Variants in TTC13 observed in about 807,000 individuals in gnomAD.
The protein encoded by TTC13 is tetratricopeptide repeat protein 13.
A neutral mutation model predicts 120.0 loss-of-function variants in TTC13; 62 were observed. The observed-to-expected ratio is 0.52, with a 90% CI of 0.42 to 0.64. TTC13 has a LOEUF of 0.64. TTC13 is among the 30% of genes least tolerant of loss of function. The pLI is 0.00. For synonymous variants in TTC13, 384 were observed against 393.5 expected (o/e 0.98, Z 0.28); for missense variants, 824 against 1,050.2 (o/e 0.78, Z 2.98).
At chr1:230,954,654 C>T (rs1675889551) in intron 3 of TTC13, among the ~76,000 whole-genome samples, 1 of 152,200 alleles carries the variant, frequency 6.6e-6, no homozygotes, top group African/African-American at 2.4e-5. Flanking sequence ...ACAAGAGATA[C>T]TGATCTTTTT....
intron 3 of TTC13, 99 bp from the exon 4 acceptor site, chr1:230,954,502 A>C (rs766686239): frequency 9.3e-6 from 8 of 864,174 alleles, no homozygotes; most frequent in Non-Finnish European, 1.4e-5. Flanking sequence ...GGCAGCTCCA[A>C]GCACTGGAAG....
chr1:230,909,803 G>T (rs1671314275), intron 20 of TTC13, among the ~76,000 whole-genome samples: 2 of 152,206 alleles, frequency 1.3e-5, no homozygotes, highest in African/African-American at 4.8e-5. Flanking sequence ...GGGGATTGTG[G>T]GGTACCTTTG....
In TTC13 at chr1:230,948,976, C is replaced by T. The variant is rs978374620; in HGVS notation, c.514-3522G>A. 9.2e-5 allele frequency among the ~76,000 whole-genome samples: 14 copies of T among 152,264 alleles called. No individual in the cohort carries two copies. The South Asian group carries it at 1.0e-3, about 11-fold the overall frequency. Reference sequence around the variant, plus strand: ...ACACCACCTTTGGATTCCTTCCAGACGCCCCTGGAAAATAAATATGCTCCT... The same window carrying T: ...ACACCACCTTTGGATTCCTTCCAGATGCCCCTGGAAAATAAATATGCTCCT... On this transcript the variant is annotated intron_variant, in intron 4 of 22. Transcript: ENST00000366661.
chr1:230,965,741 G>A (rs547362443), intron 1 of TTC13, among the ~76,000 whole-genome samples: 3 of 152,272 alleles, frequency 2.0e-5, no homozygotes, highest in East Asian at 3.9e-4. Context: ...GCACGATCTC[G>A]GCTAACTGCA....
At chr1:230,948,797 A>C (rs1204887720) in intron 4 of TTC13, among the ~76,000 whole-genome samples, 1 of 152,074 alleles carries the variant, frequency 6.6e-6, no homozygotes, top group Non-Finnish European at 1.5e-5. Context: ...GCTTCACTTC[A>C]TACCCTAGAA....
chr1:230,918,245 A>G (rs1390447637), intron 17 of TTC13, among the ~76,000 whole-genome samples: 2 of 152,244 alleles, frequency 1.3e-5, no homozygotes, highest in Non-Finnish European at 2.9e-5. Flanking sequence ...GGAGTCTACT[A>G]TATATAGCTT....
chr1:230,944,645 A>G lies in TTC13; in HGVS notation c.579+744T>C, dbSNP rs1283879950. 6.6e-6 allele frequency among the ~76,000 whole-genome samples: 1 copy of G among 152,042 alleles called. No individual in the cohort carries two copies. The highest frequency in any genetic ancestry group is 1.5e-5 in the Non-Finnish European group (1 of 68,036). ...ACAAGGTTAGTATAATATTAATTGT[A>G]ATATTTTATAAATTGTAATAAAATA... is the stretch of plus-strand genomic sequence containing the variant. On this transcript the variant is annotated intron_variant, in intron 5 of 22. Transcript: ENST00000366661. The surrounding 1 kb of genome is among the most constrained non-coding windows in gnomAD (Gnocchi z 4.0).
intron 4 of TTC13, among the ~76,000 whole-genome samples, chr1:230,945,872 C>G (rs1025004842): frequency 1.3e-5 from 2 of 152,146 alleles, no homozygotes; most frequent in African/African-American, 4.8e-5. Flanking sequence ...TTTCATATAT[C>G]CATGAAATTA....
intron 15 of TTC13, among the ~76,000 whole-genome samples, 195 bp from the exon 16 acceptor site, chr1:230,921,699 C>T (rs1672591193): frequency 6.6e-6 from 1 of 152,162 alleles, no homozygotes; most frequent in African/African-American, 2.4e-5. Context: ...TGCCTGCCAG[C>T]TCACAGGGCC....
intron 18 of TTC13, 32 bp from the exon 19 acceptor site, chr1:230,912,790 G>A: frequency 6.3e-7 from 1 of 1,585,564 alleles, no homozygotes; most frequent in East Asian, 2.2e-5. Flanking sequence ...TGAAAGGCAT[G>A]TATTATAAGT....
intron 4 of TTC13, among the ~76,000 whole-genome samples, chr1:230,947,024 A>G (rs1675066983): frequency 6.6e-6 from 1 of 152,164 alleles, no homozygotes; most frequent in African/African-American, 2.4e-5. Flanking sequence ...ATTACTAGAT[A>G]TATTCCCACT....
intron 1 of TTC13, among the ~76,000 whole-genome samples, chr1:230,968,541 G>A (rs549885231): frequency 1.3e-5 from 2 of 152,202 alleles, no homozygotes; most frequent in African/African-American, 4.8e-5. Flanking sequence ...TCACTAACAG[G>A]TGTCTAAGGA....
At chr1:230,921,199 C>A (rs1038418611) in intron 16 of TTC13, among the ~76,000 whole-genome samples, 1 of 152,066 alleles carries the variant, frequency 6.6e-6, no homozygotes, top group Non-Finnish European at 1.5e-5. Context: ...AGAAAAGTCA[C>A]AATAGTGCAC....
chr1:230,949,007 T>A (rs1675275969), intron 4 of TTC13, among the ~76,000 whole-genome samples: 1 of 152,140 alleles, frequency 6.6e-6, no homozygotes, highest in South Asian at 2.1e-4. Flanking sequence ...CTCCTTCTCC[T>A]TTATTCCCAC....
At chr1:230,918,056 A>G (rs1209742880) in intron 17 of TTC13, among the ~76,000 whole-genome samples, 1 of 152,222 alleles carries the variant, frequency 6.6e-6, no homozygotes, top group Non-Finnish European at 1.5e-5. Context: ...GTCACACATA[A>G]TGTATGATTT....
intron 19 of TTC13, among the ~76,000 whole-genome samples, 182 bp from the exon 20 acceptor site, chr1:230,911,731 T>C (rs1169819496): frequency 1.3e-5 from 2 of 152,178 alleles, no homozygotes; most frequent in Admixed American, 6.5e-5. Flanking sequence ...TTTTTCCAAT[T>C]TAGTTCAATT....
Position 230,924,939 on chromosome 1 carries a change from G to A in TTC13, c.1623C>T (p.Ala541=), listed in dbSNP as rs142333519. The A allele has an allele frequency of 1.1e-5, 17 of 1,614,144 alleles. No individual in the cohort carries two copies. Among genetic ancestry groups the A allele is most frequent in the East Asian group, 4.5e-5 (2 of 44,888 alleles). Residue 541 remains alanine, a synonymous_variant, in exon 14 of 23, where the codon GCC becomes GCT. Transcript: ENST00000366661. ...MGLAALEVMQ[A]VQRTWTNSKV... ...TCGAGTTGGTCCATGTACGCTGCAC[G>A]GCTTGCATGACCTCCAATGCGGCCA... is the stretch of plus-strand genomic sequence containing the variant.
intron 22 of TTC13, among the ~76,000 whole-genome samples, chr1:230,907,355 T>C (rs1349119039): frequency 6.6e-6 from 1 of 152,248 alleles, no homozygotes; most frequent in Non-Finnish European, 1.5e-5. Context: ...TAGCTTTCTT[T>C]ACTTCTCTAG....
At chr1:230,965,910 C>T (rs1677081905) in intron 1 of TTC13, among the ~76,000 whole-genome samples, 1 of 152,196 alleles carries the variant, frequency 6.6e-6, no homozygotes, top group Non-Finnish European at 1.5e-5. Context: ...CTCAACCTCC[C>T]AAAGTACTGG....
Sources: allele counts gnomAD v4.1 joint callset (sites outside exome capture counted in the v4.1 genomes callset), GRCh38; gene constraint gnomAD v4.1.1; non-coding constraint Gnocchi (gnomAD v3.1); transcripts MANE v1.5; gene names NCBI Gene and HGNC (gene_info 2026-07-23, HGNC 2026-07-21).